Variants in CTNNA3 observed in about 807,000 individuals in gnomAD.
The protein encoded by CTNNA3 is catenin alpha-3.
In CTNNA3, 76 loss-of-function variants were observed where a neutral mutation model predicts 95.7. The observed-to-expected ratio is 0.79, with a 90% CI of 0.66 to 0.96. The LOEUF (loss-of-function observed/expected upper bound fraction) is 0.96, where lower values mean the gene tolerates loss of function less well. CTNNA3 is among the 40% of genes least tolerant of loss of function. CTNNA3 has a pLI of 0.00. For missense variants in CTNNA3, 1,191 were observed against 1,089.8 expected (o/e 1.09, Z -1.31); for synonymous variants, 431 against 374.4 (o/e 1.15, Z -1.74).
intron 15 of CTNNA3, among the ~76,000 whole-genome samples, chr10:66,042,654 C>G (rs140942582): frequency 1.3e-5 from 2 of 151,860 alleles, no homozygotes; most frequent in East Asian, 3.9e-4. Context: ...AATCCCAGCA[C>G]TTTGGGAGGC....
intron 7 of CTNNA3, among the ~76,000 whole-genome samples, chr10:66,778,623 T>C (rs140689156): frequency 1.3e-4 from 20 of 151,902 alleles, no homozygotes; most frequent in Non-Finnish European, 2.6e-4. Context: ...CAGCACTGTA[T>C]AGGGAAAGCA....
intron 10 of CTNNA3, among the ~76,000 whole-genome samples, chr10:66,589,461 GT>G: frequency 6.6e-6 from 1 of 152,110 alleles, no homozygotes; most frequent in Non-Finnish European, 1.5e-5. Flanking sequence ...AACCAATAGT[GT>G]TTTCTACATT....
chr10:66,274,717 A>C (rs1421311378), intron 13 of CTNNA3, among the ~76,000 whole-genome samples: 1 of 152,150 alleles, frequency 6.6e-6, no homozygotes, highest in Admixed American at 6.6e-5. Context: ...CAGTTTGATG[A>C]GTTTTGGCAA....
intron 1 of CTNNA3, among the ~76,000 whole-genome samples, chr10:67,738,135 T>A (rs1164863378): frequency 2.0e-5 from 3 of 151,898 alleles, no homozygotes; most frequent in Admixed American, 2.0e-4. Flanking sequence ...ACCTGACTGT[T>A]AAAACAAAAC....
intron 11 of CTNNA3, among the ~76,000 whole-genome samples, chr10:66,506,817 A>G (rs1478437145): frequency 6.6e-6 from 1 of 152,148 alleles, no homozygotes; most frequent in African/African-American, 2.4e-5. Flanking sequence ...GATGCTTTTA[A>G]TCAAACTAAA....
intron 13 of CTNNA3, among the ~76,000 whole-genome samples, chr10:66,117,173 A>G (rs1185568581): frequency 6.6e-6 from 1 of 152,178 alleles, no homozygotes; most frequent in Non-Finnish European, 1.5e-5. Context: ...TGGGTTCCTT[A>G]TCTTGATTAT....
At chr10:66,505,304 C>G (rs1840411930) in intron 11 of CTNNA3, among the ~76,000 whole-genome samples, 1 of 152,174 alleles carries the variant, frequency 6.6e-6, no homozygotes, top group South Asian at 2.1e-4. Context: ...ACCAATAAAG[C>G]AATAATGGAT....
In CTNNA3 at chr10:66,349,067, C is replaced by T. The variant is rs11818402; in HGVS notation, c.1732+30085G>A. Among the ~76,000 whole-genome samples the T allele has an allele frequency of 5.7e-3, 874 of 152,154 alleles. 9 individuals are homozygous for T. The highest frequency in any genetic ancestry group is 0.019 in the African/African-American group (795 of 41,534). ...GATGGGATATATTTGATTACATGTTCGTTACTTCACAATTCGTTACATAAG... is the reference window on the plus strand; with the variant it reads ...GATGGGATATATTTGATTACATGTTTGTTACTTCACAATTCGTTACATAAG... On this transcript the variant is annotated intron_variant, in intron 12 of 17. Coordinates refer to ENST00000433211, the MANE Select transcript of CTNNA3 (RefSeq NM_013266.4).
rs373433564 is a variant in CTNNA3 at position 66,955,142 on chromosome 10, C to T, written c.1048-179618G>A. ...AAAGTCAGAAACTTTTCCTAGGTGC[C>T]TTTGGTATTTTCTAATCTTACTCTG... On this transcript the variant is annotated intron_variant, in intron 7 of 17. Transcript: ENST00000433211. 1.2e-4 allele frequency among the ~76,000 whole-genome samples: 19 copies of T among 152,162 alleles called. No individual in the cohort carries two copies. In the South Asian group the frequency reaches 1.5e-3, roughly 12 times the overall value.
At chr10:67,710,351 C>A (rs1405257230) in intron 1 of CTNNA3, among the ~76,000 whole-genome samples, 1 of 152,108 alleles carries the variant, frequency 6.6e-6, no homozygotes, top group East Asian at 1.9e-4. Flanking sequence ...CTCACAGGAC[C>A]AGACCATATC....
chr10:66,943,566 C>T (rs1005134876), intron 7 of CTNNA3, among the ~76,000 whole-genome samples: 5 of 151,034 alleles, frequency 3.3e-5, no homozygotes, highest in Non-Finnish European at 7.4e-5. Flanking sequence ...TAACACTAAG[C>T]ACAGCCTTAA....
At chr10:67,576,375 A>G (rs1842144695) in intron 3 of CTNNA3, among the ~76,000 whole-genome samples, 1 of 152,092 alleles carries the variant, frequency 6.6e-6, no homozygotes, top group Admixed American at 6.6e-5. Flanking sequence ...ATGGCCACAT[A>G]CAAATATAAT....
At chr10:66,144,931 A>G (rs1022810529) in intron 13 of CTNNA3, among the ~76,000 whole-genome samples, 1 of 152,180 alleles carries the variant, frequency 6.6e-6, no homozygotes. Context: ...AGGGAACTCT[A>G]TAACTAGTTT....
intron 7 of CTNNA3, among the ~76,000 whole-genome samples, chr10:66,849,977 G>T (rs751149888): frequency 2.1e-4 from 18 of 85,872 alleles, no homozygotes; most frequent in Non-Finnish European, 4.7e-4. Flanking sequence ...AGATATGAGA[G>T]CATGTTTTTT....
chr10:66,700,039 T>C (rs528474081), intron 9 of CTNNA3, among the ~76,000 whole-genome samples: 1 of 152,284 alleles, frequency 6.6e-6, no homozygotes, highest in South Asian at 2.1e-4. Flanking sequence ...CTTATTTATT[T>C]TAGAGATTAT....
At chr10:67,268,362 T>A (rs1317196596) in intron 5 of CTNNA3, among the ~76,000 whole-genome samples, 1 of 138,370 alleles carries the variant, frequency 7.2e-6, no homozygotes, top group African/African-American at 2.9e-5. Flanking sequence ...ATTAAATAAA[T>A]AAATAAAAAA....
At chr10:66,957,404 ATATATATATG>A (rs1848860802) in intron 7 of CTNNA3, among the ~76,000 whole-genome samples, 1 of 32,846 alleles carries the variant, frequency 3.0e-5, no homozygotes, top group Admixed American at 2.4e-4. Flanking sequence ...ATATATATAT[ATATATATATG>A]CATATATATA....
intron 10 of CTNNA3, among the ~76,000 whole-genome samples, chr10:66,537,411 T>C (rs1489200369): frequency 2.0e-5 from 3 of 152,106 alleles, no homozygotes; most frequent in African/African-American, 7.2e-5. Flanking sequence ...GGTGACTTCA[T>C]TCATTAACCT....
intron 7 of CTNNA3, among the ~76,000 whole-genome samples, chr10:66,781,808 T>C (rs1164382445): frequency 6.6e-6 from 1 of 152,090 alleles, no homozygotes; most frequent in African/African-American, 2.4e-5. Flanking sequence ...ATATAATAAG[T>C]ACTTTACACG....
Sources: allele counts gnomAD v4.1 joint callset (sites outside exome capture counted in the v4.1 genomes callset), GRCh38; gene constraint gnomAD v4.1.1; transcripts MANE v1.5; gene names NCBI Gene and HGNC (gene_info 2026-07-23, HGNC 2026-07-21).